Variants in FHIT observed in about 807,000 individuals in gnomAD.
The protein encoded by FHIT is fragile histidine triad diadenosine triphosphatase, also known as bis(5'-adenosyl)-triphosphatase.
In FHIT, 19 loss-of-function variants were observed where a neutral mutation model predicts 17.9. That is an observed-to-expected ratio of 1.06 (90% CI 0.74 to 1.56). The LOEUF (loss-of-function observed/expected upper bound fraction) is 1.56. FHIT is among the 40% of genes most tolerant of loss of function. The pLI is 0.00. For synonymous variants in FHIT, 81 were observed against 69.7 expected (o/e 1.16, Z -0.81); for missense variants, 248 against 189.2 (o/e 1.31, Z -1.82).
At chr3:60,432,863 T>C (rs1559908525) in intron 5 of FHIT, among the ~76,000 whole-genome samples, 1 of 152,084 alleles carries the variant, frequency 6.6e-6, no homozygotes, top group Non-Finnish European at 1.5e-5. Flanking sequence ...ATTTTTGTGT[T>C]TGTTTTTTAC....
Position 61,141,985 on chromosome 3 carries a change from C to A in FHIT, c.-164+58632G>T, listed in dbSNP as rs542217992. ...ATCTCATTCACACAAGCCTACAGGA[C>A]CAATCTGCCTCCCAGAGCCATGGCT... On this transcript the variant is annotated intron_variant, in intron 2 of 9. Coordinates refer to ENST00000492590, the MANE Select transcript of FHIT (RefSeq NM_002012.4). Among the ~76,000 whole-genome samples, 14 of 151,524 alleles carry A rather than the reference C, an allele frequency of 9.2e-5. 1 individual carries two copies. In the South Asian group the frequency reaches 2.9e-3, roughly 32 times the overall value.
intron 4 of FHIT, among the ~76,000 whole-genome samples, chr3:60,652,905 A>G (rs1005901598): frequency 1.5e-5 from 2 of 133,366 alleles, no homozygotes; most frequent in South Asian, 5.0e-4. Flanking sequence ...GTGAAAGTTC[A>G]TCTCAAACAA....
chr3:61,154,177 C>T lies in FHIT; in HGVS notation c.-164+46440G>A, dbSNP rs540282353. Among the ~76,000 whole-genome samples, 104 of 152,346 alleles carry T rather than the reference C, an allele frequency of 6.8e-4. 1 individual carries two copies. Among genetic ancestry groups the T allele is most frequent in the African/African-American group, 2.3e-3 (97 of 41,574 alleles). On this transcript the variant is annotated intron_variant, in intron 2 of 9. Transcript: ENST00000492590. ...CCAGGCTCGCACGTGGCAGATTCCTCTAGCCATGCAAGCCTGGATATTCAT... is the reference window on the plus strand; with the variant it reads ...CCAGGCTCGCACGTGGCAGATTCCTTTAGCCATGCAAGCCTGGATATTCAT...
At chr3:60,548,781 G>A (rs1049694545) in intron 4 of FHIT, among the ~76,000 whole-genome samples, 4 of 152,160 alleles carry the variant, frequency 2.6e-5, no homozygotes, top group African/African-American at 7.2e-5. Flanking sequence ...ACATCTCAGA[G>A]CACTAGTTTT....
At chr3:60,359,273 A>G (rs1251292748) in intron 5 of FHIT, among the ~76,000 whole-genome samples, 1 of 147,494 alleles carries the variant, frequency 6.8e-6, no homozygotes, top group Non-Finnish European at 1.5e-5. Context: ...GAATATGAAA[A>G]TATCTTTTTT....
At position 61,180,638 on chromosome 3, in the gene FHIT, G is replaced by A. The variant is rs2038309922; in HGVS notation, c.-164+19979C>T. On this transcript the variant is annotated intron_variant, in intron 2 of 9. Coordinates refer to ENST00000492590, the MANE Select transcript of FHIT (RefSeq NM_002012.4). ...TAAATACCGAGGTTATGTTTGTGCA[G>A]CTGTCTGAATAAAACTGATGCTACC... Among the ~76,000 whole-genome samples, 4 of 152,332 alleles carry A rather than the reference G, an allele frequency of 2.6e-5. No homozygotes were observed. In the South Asian group the frequency reaches 8.3e-4, roughly 32 times the overall value.
chr3:59,981,370 T>A (rs544773717), intron 7 of FHIT, among the ~76,000 whole-genome samples: 1 of 152,290 alleles, frequency 6.6e-6, no homozygotes, highest in Admixed American at 6.5e-5. Flanking sequence ...GCTGATTAGC[T>A]GGTTTCATAA....
At chr3:59,905,631 T>C (rs933708743) in intron 8 of FHIT, among the ~76,000 whole-genome samples, 9 of 152,206 alleles carry the variant, frequency 5.9e-5, no homozygotes, top group Non-Finnish European at 8.8e-5. Flanking sequence ...GTGGAGTCAA[T>C]AGACTCTATG....
chr3:60,902,838 T>G (rs527374764), intron 3 of FHIT, among the ~76,000 whole-genome samples: 1 of 152,168 alleles, frequency 6.6e-6, no homozygotes, highest in Non-Finnish European at 1.5e-5. Context: ...CCAATTTTGA[T>G]TATATCCCTC....
intron 3 of FHIT, among the ~76,000 whole-genome samples, chr3:61,015,521 T>G (rs2032058852): frequency 6.6e-6 from 1 of 152,336 alleles, no homozygotes; most frequent in South Asian, 2.1e-4. Flanking sequence ...GTAATTACAT[T>G]AAGAACTTGG....
At chr3:61,091,936 T>TA (rs58005720) in intron 2 of FHIT, among the ~76,000 whole-genome samples, 1,145 of 61,276 alleles carry the variant, frequency 0.019, 35 homozygotes, top group African/African-American at 0.042. Context: ...AGACCTTGTC[T>TA]AAAAAAAAAA....
At chr3:59,806,357 C>T (rs961692241) in intron 8 of FHIT, among the ~76,000 whole-genome samples, 2 of 152,090 alleles carry the variant, frequency 1.3e-5, no homozygotes, top group African/African-American at 4.8e-5. Flanking sequence ...GGGAGACAAA[C>T]ACTTGACTAT....
intron 4 of FHIT, among the ~76,000 whole-genome samples, chr3:60,712,827 G>T (rs2041575044): frequency 7.0e-6 from 1 of 142,774 alleles, no homozygotes; most frequent in African/African-American, 2.5e-5. Flanking sequence ...CAATAATAAT[G>T]GGAGACTTTA....
intron 2 of FHIT, among the ~76,000 whole-genome samples, chr3:61,067,305 G>C (rs914175038): frequency 6.6e-6 from 1 of 152,116 alleles, no homozygotes; most frequent in Non-Finnish European, 1.5e-5. Context: ...TGTACTCATG[G>C]TGATGGTTTG....
chr3:60,674,275 C>T (rs1377115764), intron 4 of FHIT, among the ~76,000 whole-genome samples: 3 of 152,058 alleles, frequency 2.0e-5, no homozygotes, highest in African/African-American at 7.2e-5. Flanking sequence ...ACATTTGTTT[C>T]TCTGAGATTT....
intron 4 of FHIT, among the ~76,000 whole-genome samples, chr3:60,579,208 T>C (rs1385926579): frequency 6.6e-6 from 1 of 152,184 alleles, no homozygotes; most frequent in Non-Finnish European, 1.5e-5. Context: ...TAGATAGGTA[T>C]AGCCCACTAT....
At chr3:59,835,330 C>A (rs1252996372) in intron 8 of FHIT, among the ~76,000 whole-genome samples, 2 of 152,142 alleles carry the variant, frequency 1.3e-5, no homozygotes, top group Non-Finnish European at 2.9e-5. Context: ...ATCAATGGAG[C>A]TTTCTACCCT....
intron 4 of FHIT, among the ~76,000 whole-genome samples, chr3:60,692,751 C>T (rs880001538): frequency 6.6e-6 from 1 of 152,192 alleles, no homozygotes; most frequent in Non-Finnish European, 1.5e-5. Flanking sequence ...TAATTTATTA[C>T]AGCAGCCACA....
At chr3:60,265,630 G>A (rs1242218175) in intron 5 of FHIT, among the ~76,000 whole-genome samples, 3 of 151,908 alleles carry the variant, frequency 2.0e-5, no homozygotes, top group Non-Finnish European at 2.9e-5. Flanking sequence ...TTAATAAAGT[G>A]AGAAGACAAT....
Sources: gnomAD v4.1 joint callset for allele counts (sites outside exome capture counted in the v4.1 genomes callset) on GRCh38, gnomAD v4.1.1 for gene constraint, MANE v1.5 for transcripts, NCBI Gene and HGNC (gene_info 2026-07-23, HGNC 2026-07-21) for gene names.